The following MAGI2 variants were observed in gnomAD, a reference collection of about 807,000 sequenced individuals.
MAGI2 encodes the protein membrane-associated guanylate kinase, WW and PDZ domain-containing protein 2.
In MAGI2, 35 loss-of-function variants were observed where a neutral mutation model predicts 133.3. That is an observed-to-expected ratio of 0.26 (90% CI 0.20 to 0.35). The LOEUF is 0.35. MAGI2 is among the 10% of genes least tolerant of loss of function. The probability of loss-of-function intolerance (pLI) is 1.00; values close to 1 mark genes in which losing one functional copy is unlikely to be tolerated. For synonymous variants in MAGI2, 729 were observed against 710.6 expected (o/e 1.03, Z -0.41); for missense variants, 1,636 against 1,863.4 (o/e 0.88, Z 2.25).
At chr7:78,520,405 ATAC>A (rs1796396373) in intron 4 of MAGI2, among the ~76,000 whole-genome samples, 1 of 152,154 alleles carries the variant, frequency 6.6e-6, no homozygotes, top group Admixed American at 6.5e-5. Context: ...AAAAATTCCA[ATAC>A]TATGTTAGTA....
chr7:79,127,558 G>A (rs1820536939), intron 1 of MAGI2, among the ~76,000 whole-genome samples: 1 of 152,170 alleles, frequency 6.6e-6, no homozygotes, highest in Non-Finnish European at 1.5e-5. Context: ...CAGTGATGAT[G>A]AGCATTTTTT....
At chr7:78,922,567 C>T (rs935192355) in intron 2 of MAGI2, among the ~76,000 whole-genome samples, 4 of 151,936 alleles carry the variant, frequency 2.6e-5, no homozygotes, top group Non-Finnish European at 5.9e-5. Context: ...GTATATGTGC[C>T]ACATTTTCTT....
intron 9 of MAGI2, among the ~76,000 whole-genome samples, chr7:78,289,320 C>A (rs959487866): frequency 1.3e-5 from 2 of 152,098 alleles, no homozygotes; most frequent in African/African-American, 4.8e-5. Flanking sequence ...GCACAAGCTT[C>A]AGTAGCTGAT....
intron 2 of MAGI2, among the ~76,000 whole-genome samples, chr7:78,868,087 A>G (rs1263969115): frequency 6.6e-6 from 1 of 152,230 alleles, no homozygotes; most frequent in Non-Finnish European, 1.5e-5. Flanking sequence ...TACTGCAAAA[A>G]GATAACATAA....
chr7:79,078,266 T>C (rs1584875358), intron 1 of MAGI2, among the ~76,000 whole-genome samples: 1 of 147,522 alleles, frequency 6.8e-6, no homozygotes, highest in South Asian at 2.2e-4. Flanking sequence ...GAGTTCTTAG[T>C]ACAACTGAAT....
At chr7:78,568,267 A>G (rs1235193542) in intron 3 of MAGI2, 1 of 152,134 alleles carries the variant, frequency 6.6e-6, no homozygotes, top group Non-Finnish European at 1.5e-5. Context: ...TTTAAATACC[A>G]TCTAGAATCT....
At chr7:79,258,426 C>G (rs188549205) in intron 1 of MAGI2, among the ~76,000 whole-genome samples, 1 of 152,140 alleles carries the variant, frequency 6.6e-6, no homozygotes, top group African/African-American at 2.4e-5. Flanking sequence ...CCAAATAAAC[C>G]TTCTTCCTTC....
intron 14 of MAGI2, among the ~76,000 whole-genome samples, chr7:78,168,776 C>T (rs890865056): frequency 5.9e-5 from 9 of 152,182 alleles, no homozygotes; most frequent in African/African-American, 1.9e-4. Flanking sequence ...CTAGCTGTTG[C>T]ACATTTTTAA....
At chr7:78,786,408 CA>C (rs998063182) in intron 2 of MAGI2, among the ~76,000 whole-genome samples, 5 of 152,154 alleles carry the variant, frequency 3.3e-5, no homozygotes, top group African/African-American at 1.2e-4. Flanking sequence ...TTTTTAATCC[CA>C]AAGAGTTCCT....
chr7:79,191,474 A>C (rs1376275915), intron 1 of MAGI2, among the ~76,000 whole-genome samples: 4 of 127,296 alleles, frequency 3.1e-5, no homozygotes, highest in Admixed American at 1.9e-4. Flanking sequence ...GCTGAAATGC[A>C]ATGGCACAAT....
intron 2 of MAGI2, among the ~76,000 whole-genome samples, chr7:78,773,675 T>C (rs749443025): frequency 1.9e-4 from 29 of 152,116 alleles, no homozygotes; most frequent in Non-Finnish European, 3.1e-4. Flanking sequence ...TCACATAGAA[T>C]AGGTAACCCT....
At chr7:78,280,409 T>TACAACATATTGTTTGTAAGAGACCTGC (rs1196681232) in intron 9 of MAGI2, among the ~76,000 whole-genome samples, 2 of 152,166 alleles carry the variant, frequency 1.3e-5, no homozygotes, top group Non-Finnish European at 2.9e-5. Context: ...TTTCTCAGCT[T>TACAACATATTGTTTGTAAGAGACCTGC]ACAACATATT....
chr7:78,992,835 C>T (rs1712434132), intron 2 of MAGI2, among the ~76,000 whole-genome samples: 1 of 151,952 alleles, frequency 6.6e-6, no homozygotes, highest in South Asian at 2.1e-4. Flanking sequence ...CACAGATGGG[C>T]CTTAGTGATG....
chr7:79,248,418 C>T (rs903448775), intron 1 of MAGI2, among the ~76,000 whole-genome samples: 2 of 152,100 alleles, frequency 1.3e-5, no homozygotes, highest in African/African-American at 4.8e-5. Context: ...ACAATAACAG[C>T]CGGAGATTTC....
In MAGI2 at chr7:79,065,988, C is replaced by G. The variant is rs542781411; in HGVS notation, c.302-58782G>C. The stretch of plus-strand genomic sequence containing the variant: ...ATGGGCATTTGAGTTGGTTCCAAGT[C>G]TTTGCTACTGTGAACAGTCCCGCAG... On this transcript the variant is annotated intron_variant, in intron 1 of 21. Coordinates refer to ENST00000354212, the MANE Select transcript of MAGI2 (RefSeq NM_012301.4). Among the ~76,000 whole-genome samples the G allele has an allele frequency of 5.3e-5, 8 of 152,220 alleles. No individual in the cohort carries two copies. In the South Asian group the frequency reaches 8.3e-4, roughly 16 times the overall value.
At position 79,266,711 on chromosome 7, in the gene MAGI2, C is replaced by T. The variant is rs180835045; in HGVS notation, c.301+186309G>A. Among the ~76,000 whole-genome samples the T allele has an allele frequency of 1.1e-3, 170 of 152,178 alleles. 2 individuals are homozygous for T. The highest frequency in any genetic ancestry group is 1.6e-3 in the Non-Finnish European group (112 of 67,994). ...TTGTAAAATTAAACTGCCCCATACT[C>T]GGGAAACTTTTTAAACAGTTGGTCA... On this transcript the variant is annotated intron_variant, in intron 1 of 21. Coordinates refer to ENST00000354212, the MANE Select transcript of MAGI2 (RefSeq NM_012301.4).
At chr7:78,963,891 G>T (rs573897927) in intron 2 of MAGI2, among the ~76,000 whole-genome samples, 1 of 151,926 alleles carries the variant, frequency 6.6e-6, no homozygotes. Flanking sequence ...GGTGATTTTC[G>T]AACTCAGGGT....
chr7:78,712,815 G>C (rs1819327487), intron 2 of MAGI2, among the ~76,000 whole-genome samples: 1 of 152,026 alleles, frequency 6.6e-6, no homozygotes, highest in South Asian at 2.1e-4. Flanking sequence ...GAGAAAAGCA[G>C]AAGAAAACAT....
intron 9 of MAGI2, among the ~76,000 whole-genome samples, chr7:78,337,115 G>A (rs1789853873): frequency 6.6e-6 from 1 of 152,188 alleles, no homozygotes; most frequent in Non-Finnish European, 1.5e-5. Context: ...AGACTCTGTG[G>A]TTTCTGTGTA....
Sources: gnomAD v4.1 joint callset for allele counts (sites outside exome capture counted in the v4.1 genomes callset) on GRCh38, gnomAD v4.1.1 for gene constraint, MANE v1.5 for transcripts, NCBI Gene and HGNC (gene_info 2026-07-23, HGNC 2026-07-21) for gene names.